MYO1D: variants seen among roughly 807,000 people sequenced by gnomAD.
MYO1D encodes the protein unconventional myosin-Id.
A neutral mutation model predicts 122.0 loss-of-function variants in MYO1D; 83 were observed. The ratio of observed to expected loss-of-function variants is 0.68; its 90% confidence interval spans 0.57 to 0.82. The LOEUF is 0.82. Among genes scored for constraint, MYO1D ranks in the 40% least tolerant of loss-of-function variants. The pLI is 0.00. For synonymous variants in MYO1D, 464 were observed against 446.9 expected, an observed-to-expected ratio of 1.04 and a Z score of -0.48; for missense variants, 1,157 against 1,269.5, an observed-to-expected ratio of 0.91 and a Z score of 1.35.
intron 16 of MYO1D, among the ~76,000 whole-genome samples, chr17:32,675,367 A>T (rs80247106): frequency 1.3e-5 from 2 of 152,206 alleles, no homozygotes; most frequent in Non-Finnish European, 2.9e-5. Flanking sequence ...CAACTTGTAC[A>T]TATAACTGTA....
At chr17:32,550,157 C>T (rs938136626) in intron 21 of MYO1D, among the ~76,000 whole-genome samples, 13 of 150,070 alleles carry the variant, frequency 8.7e-5, no homozygotes, top group Admixed American at 4.0e-4. Flanking sequence ...TGGAGGGCAG[C>T]GGTGTAATCT....
At chr17:32,632,153 AAC>A (rs1293946023) in intron 20 of MYO1D, among the ~76,000 whole-genome samples, 4 of 152,218 alleles carry the variant, frequency 2.6e-5, no homozygotes, top group African/African-American at 9.6e-5. Context: ...AGTCTAGAAT[AAC>A]ACATAACATA....
chr17:32,770,652 T>C (rs555624724), intron 6 of MYO1D, among the ~76,000 whole-genome samples: 1 of 152,264 alleles, frequency 6.6e-6, no homozygotes, highest in African/African-American at 2.4e-5. Context: ...ACTTGAAAGC[T>C]GAATAGGAAT....
At chr17:32,621,098 G>A (rs2087849956) in intron 20 of MYO1D, among the ~76,000 whole-genome samples, 1 of 151,948 alleles carries the variant, frequency 6.6e-6, no homozygotes. Context: ...TTTTTCCCTT[G>A]GGGACGTTGA....
intron 1 of MYO1D, among the ~76,000 whole-genome samples, chr17:32,872,846 G>A (rs978507200): frequency 7.9e-5 from 12 of 151,510 alleles, no homozygotes; most frequent in African/African-American, 2.2e-4. Context: ...ACAGGCGCCC[G>A]CCACCGCGCC....
intron 1 of MYO1D, among the ~76,000 whole-genome samples, chr17:32,815,925 G>A (rs922064361): frequency 2.0e-5 from 3 of 152,170 alleles, no homozygotes; most frequent in African/African-American, 7.2e-5. Flanking sequence ...CAATAACTGA[G>A]AATCAAGAGG....
intron 5 of MYO1D, 60 bp downstream of exon 5, chr17:32,772,729 A>T: frequency 7.2e-7 from 1 of 1,391,852 alleles, no homozygotes; most frequent in Non-Finnish European, 1.0e-6. Context: ...CCAAGACACA[A>T]ATACTCATTT....
At chr17:32,656,406 G>T (rs781653152) in intron 17 of MYO1D, among the ~76,000 whole-genome samples, 18 of 152,214 alleles carry the variant, frequency 1.2e-4, no homozygotes, top group Non-Finnish European at 2.5e-4. Flanking sequence ...CTCACTCAGG[G>T]CAGTGCACTC....
chr17:32,587,724 C>T (rs1306953160), intron 21 of MYO1D, among the ~76,000 whole-genome samples: 1 of 152,184 alleles, frequency 6.6e-6, no homozygotes, highest in Non-Finnish European at 1.5e-5. Flanking sequence ...CTTCAGCCTA[C>T]CCCTTCTTGG....
intron 1 of MYO1D, among the ~76,000 whole-genome samples, chr17:32,875,201 T>C (rs1181901539): frequency 6.6e-6 from 1 of 152,148 alleles, no homozygotes; most frequent in Non-Finnish European, 1.5e-5. Context: ...AGTGACAAAA[T>C]TATAAAGGCA....
At chr17:32,553,123 CCAG>C (rs992729142) in intron 21 of MYO1D, among the ~76,000 whole-genome samples, 2 of 145,212 alleles carry the variant, frequency 1.4e-5, no homozygotes, top group Admixed American at 1.4e-4. Flanking sequence ...AACAAAAAAA[CCAG>C]CAGCATGTCA....
chr17:32,595,737 A>G (rs551780467), intron 21 of MYO1D, among the ~76,000 whole-genome samples: 20 of 152,246 alleles, frequency 1.3e-4, no homozygotes, highest in Non-Finnish European at 2.4e-4. Flanking sequence ...TGCAGGGAAC[A>G]ATATAAATAA....
chr17:32,640,081 T>C (rs1225917971), intron 19 of MYO1D, among the ~76,000 whole-genome samples: 1 of 152,220 alleles, frequency 6.6e-6, no homozygotes, highest in East Asian at 1.9e-4. Context: ...CCCATAGTTT[T>C]AGAAATCAGT....
intron 21 of MYO1D, among the ~76,000 whole-genome samples, chr17:32,602,031 G>A (rs1431380101): frequency 6.6e-6 from 1 of 152,178 alleles, no homozygotes; most frequent in African/African-American, 2.4e-5. Flanking sequence ...AACTCATGGT[G>A]ATGAGGAAAA....
chr17:32,724,728 A>C (rs1051795089), intron 14 of MYO1D, among the ~76,000 whole-genome samples: 39 of 152,292 alleles, frequency 2.6e-4, no homozygotes, highest in Non-Finnish European at 2.9e-5. Flanking sequence ...AACAGGAATA[A>C]GGATGAAGTA....
At chr17:32,871,704 A>G (rs1207189111) in intron 1 of MYO1D, among the ~76,000 whole-genome samples, 1 of 152,358 alleles carries the variant, frequency 6.6e-6, no homozygotes, top group East Asian at 1.9e-4. Flanking sequence ...CCGTGGCTCA[A>G]GTCCACTCCT....
intron 21 of MYO1D, among the ~76,000 whole-genome samples, chr17:32,580,390 A>T (rs1458712728): frequency 1.4e-4 from 9 of 66,514 alleles, no homozygotes; most frequent in Non-Finnish European, 2.1e-4. Context: ...TTTTTTTTTC[A>T]GTTTGTTTAT....
intron 19 of MYO1D, among the ~76,000 whole-genome samples, chr17:32,653,630 G>C (rs1434210834): frequency 4.2e-4 from 59 of 140,452 alleles, no homozygotes; most frequent in Non-Finnish European, 1.5e-5. Flanking sequence ...AAAAAAAAAG[G>C]TTATCACTTC....
At chr17:32,651,674 CTTTTTTTTTTT>C (rs869114531) in intron 19 of MYO1D, among the ~76,000 whole-genome samples, 1 of 134,142 alleles carries the variant, frequency 7.5e-6, no homozygotes, top group Non-Finnish European at 1.6e-5. Flanking sequence ...CTTTTTCCCA[CTTTTTTTTTTT>C]TTTTTTTTTT....
Sources: gnomAD v4.1 joint callset for allele counts (sites outside exome capture counted in the v4.1 genomes callset) on GRCh38, gnomAD v4.1.1 for gene constraint, MANE v1.5 for transcripts, NCBI Gene and HGNC (gene_info 2026-07-23, HGNC 2026-07-21) for gene names.